The following USP3 variants were observed in gnomAD, a reference collection of about 807,000 sequenced individuals.
USP3 encodes ubiquitin specific peptidase 3.
Under a neutral mutation model 72.3 loss-of-function variants are expected in USP3, and 20 were observed. That is an observed-to-expected ratio of 0.28 (90% confidence interval 0.19 to 0.40). USP3 has a LOEUF of 0.40. Among genes scored for constraint, USP3 ranks in the 10% least tolerant of loss-of-function variants. The probability of loss-of-function intolerance (pLI) is 1.00; values close to 1 mark genes in which losing one functional copy is unlikely to be tolerated. For synonymous variants in USP3, 222 were observed against 225.3 expected (o/e 0.99, Z 0.13); for missense variants, 479 against 633.9 (o/e 0.76, Z 2.62).
chr15:63,513,179 C>G (rs2152648538), intron 1 of USP3, among the ~76,000 whole-genome samples: 1 of 152,216 alleles, frequency 6.6e-6, no homozygotes, highest in African/African-American at 2.4e-5. Flanking sequence ...AAATTGTTGG[C>G]CTGTTTATCC....
intron 3 of USP3, among the ~76,000 whole-genome samples, chr15:63,547,374 A>G (rs1232033874): frequency 4.6e-5 from 7 of 152,164 alleles, no homozygotes; most frequent in Non-Finnish European, 8.8e-5. Context: ...AGAAATAGAG[A>G]TAGTTGTAAA....
chr15:63,520,011 G>C (rs2065898847), intron 1 of USP3, among the ~76,000 whole-genome samples: 1 of 152,068 alleles, frequency 6.6e-6, no homozygotes, highest in African/African-American at 2.4e-5. Flanking sequence ...GATGTTCCAG[G>C]CTCATCTTGT....
At chr15:63,511,724 T>C (rs1281739156) in intron 1 of USP3, among the ~76,000 whole-genome samples, 1 of 152,188 alleles carries the variant, frequency 6.6e-6, no homozygotes, top group Non-Finnish European at 1.5e-5. Flanking sequence ...TTGTTTCTGT[T>C]AGAGAAGATT....
rs917950999 is a variant in USP3, at chr15:63,593,546, G to A, written c.*2720G>A. ...TGTCGGGCAGAGTGGTCTTCAGACA[G>A]GTGATGCTGTTGGCTTAAGAGATGA... On this transcript the variant is annotated 3_prime_UTR_variant, in exon 15 of 15. Coordinates refer to ENST00000380324, the MANE Select transcript of USP3 (RefSeq NM_006537.4). The A allele has an allele frequency of 6.6e-6, 1 of 152,242 alleles. No individual in the cohort carries two copies. Among genetic ancestry groups the A allele is most frequent in the African/African-American group, 2.4e-5 (1 of 41,458 alleles). 9.4% of individuals were successfully genotyped at this position (152,242 alleles called of 1,614,324 possible).
chr15:63,539,521 C>T (rs978603291), intron 3 of USP3, among the ~76,000 whole-genome samples: 1 of 152,012 alleles, frequency 6.6e-6, no homozygotes, highest in Non-Finnish European at 1.5e-5. Flanking sequence ...ATTTTAATAT[C>T]TTTATACATT....
intron 1 of USP3, among the ~76,000 whole-genome samples, chr15:63,517,347 AC>A (rs1217329996): frequency 6.6e-6 from 1 of 152,052 alleles, no homozygotes; most frequent in Non-Finnish European, 1.5e-5. Context: ...ATCTTCTCTT[AC>A]CACTCCAGCA....
chr15:63,557,651 T>C (rs953042425), intron 5 of USP3, among the ~76,000 whole-genome samples: 4 of 152,206 alleles, frequency 2.6e-5, no homozygotes, highest in Non-Finnish European at 5.9e-5. Flanking sequence ...AAGATTCATA[T>C]CCCATTGTTA....
rs938130542 is a variant in USP3, at chr15:63,591,850, C to CCTATCCTGATTGATAGG, written c.*1025_*1041dup. The CCTATCCTGATTGATAGG allele has an allele frequency of 2.0e-5, 3 of 150,422 alleles. No individual in the cohort carries two copies. Among genetic ancestry groups the CCTATCCTGATTGATAGG allele is most frequent in the Admixed American group, 6.6e-5 (1 of 15,098 alleles). The allele number at this position is 150,422 out of a possible 1,614,324, so 9.3% of individuals were successfully genotyped here. On this transcript the variant is annotated 3_prime_UTR_variant, in exon 15 of 15. Coordinates refer to ENST00000380324, the MANE Select transcript of USP3 (RefSeq NM_006537.4). ...TCTGGGTTTTAACACCTCTCTCTGG[C>CCTATCCTGATTGATAGG]CTATCCTGATTGATAGGACAAGTTG...
intron 3 of USP3, among the ~76,000 whole-genome samples, chr15:63,552,333 A>T (rs2066448868): frequency 6.6e-6 from 1 of 152,216 alleles, no homozygotes; most frequent in East Asian, 1.9e-4. Context: ...GACAAAGTAG[A>T]TCTTATCCTC....
chr15:63,547,888 G>GAGAGAGAGAGAGAGAGAGAGAGAGGCAT (rs1555446525), intron 3 of USP3, among the ~76,000 whole-genome samples: 3 of 73,300 alleles, frequency 4.1e-5, no homozygotes, highest in South Asian at 4.2e-4. Flanking sequence ...GAGAGAGAGA[G>GAGAGAGAGAGAGAGAGAGAGAGAGGCAT]AGAGAGAGGC....
intron 3 of USP3, among the ~76,000 whole-genome samples, chr15:63,547,057 C>G (rs964187173): frequency 2.0e-5 from 3 of 152,112 alleles, no homozygotes; most frequent in Non-Finnish European, 4.4e-5. Flanking sequence ...CCTCTGACCA[C>G]AGAGGAAAAA....
Position 63,575,000 on chromosome 15 carries a change from T to C in USP3, c.1096+597T>C, listed in dbSNP as rs1177239755. On this transcript the variant is annotated intron_variant, in intron 11 of 14. Coordinates refer to ENST00000380324, the MANE Select transcript of USP3 (RefSeq NM_006537.4). This position sits in a 1 kb window ranked among gnomAD's most constrained non-coding sequence, Gnocchi z 4.6. ...TCACAATTAAAATGACTAATTGTTC[T>C]TGCTAGTTATATAAAGAAGCTAGGA... Among the ~76,000 whole-genome samples the C allele has an allele frequency of 1.3e-5, 2 of 152,176 alleles. No individual in the cohort carries two copies. The highest frequency in any genetic ancestry group is 6.5e-5 in the Admixed American group (1 of 15,276).
chr15:63,579,547 C>G (rs530784444), intron 11 of USP3, among the ~76,000 whole-genome samples: 2 of 152,274 alleles, frequency 1.3e-5, no homozygotes, highest in South Asian at 4.1e-4. Flanking sequence ...TGCCTCATAT[C>G]CTTTCCCTGA....
Position 63,574,121 on chromosome 15 carries a change from G to A in USP3, c.984G>A (p.Gly328=). 1.3e-6 allele frequency: 2 copies of A among 1,593,912 alleles called. No individual in the cohort carries two copies. The highest frequency in any genetic ancestry group is 1.7e-6 in the Non-Finnish European group (2 of 1,169,112). The change falls in exon 10 of 15, where the codon GGG becomes GGA. Residue 328 remains glycine (G), a synonymous_variant. Transcript: ENST00000380324. The surrounding 1 kb of genome is among the most constrained non-coding windows in gnomAD (Gnocchi z 4.6). ...LQNEVNCLIC[G]TESRKFDPFL... ...ATGAGGTTAACTGCCTCATATGTGGGACAGAATCTAGAAAGTTTGATCCAT... is the reference window on the plus strand; with the variant it reads ...ATGAGGTTAACTGCCTCATATGTGGAACAGAATCTAGAAAGTTTGATCCAT...
rs116725611 is a variant in USP3, at chr15:63,563,603, G to T, written c.761+595G>T. On this transcript the variant is annotated intron_variant, in intron 8 of 14. Coordinates refer to ENST00000380324, the MANE Select transcript of USP3 (RefSeq NM_006537.4). Reference sequence around the variant, plus strand: ...TGTCAGAGGAATCCTGCCTTTTCTCGTAGGTCTGTCATCCCTGTAGGGATT... The same window carrying T: ...TGTCAGAGGAATCCTGCCTTTTCTCTTAGGTCTGTCATCCCTGTAGGGATT... 5.0e-3 allele frequency among the ~76,000 whole-genome samples: 767 copies of T among 152,264 alleles called. 11 individuals are homozygous for T. The highest frequency in any genetic ancestry group is 0.018 in the African/African-American group (739 of 41,550).
At chr15:63,526,089 G>T (rs1259879454) in intron 1 of USP3, among the ~76,000 whole-genome samples, 2 of 152,016 alleles carry the variant, frequency 1.3e-5, no homozygotes, top group Non-Finnish European at 2.9e-5. Context: ...TATTATAAAA[G>T]AAATAATGCT....
chr15:63,508,811 T>A (rs1206474990), intron 1 of USP3, among the ~76,000 whole-genome samples: 1 of 152,186 alleles, frequency 6.6e-6, no homozygotes, highest in Non-Finnish European at 1.5e-5. Flanking sequence ...AGATATTTAG[T>A]AGGATAGGCA....
chr15:63,557,987 A>G (rs2066541049), intron 5 of USP3, 119 bp from the exon 6 acceptor site: 2 of 900,266 alleles, frequency 2.2e-6, no homozygotes, highest in African/African-American at 1.6e-5. Flanking sequence ...TTGGACAGAA[A>G]AGGACCAATT....
At chr15:63,535,166 A>G (rs1429670961) in intron 2 of USP3, among the ~76,000 whole-genome samples, 2 of 152,200 alleles carry the variant, frequency 1.3e-5, no homozygotes, top group African/African-American at 4.8e-5. Flanking sequence ...CCTGACCTCA[A>G]GTGATCTGCC....
Sources: allele counts gnomAD v4.1 joint callset (sites outside exome capture counted in the v4.1 genomes callset), GRCh38; gene constraint gnomAD v4.1.1; non-coding constraint Gnocchi (gnomAD v3.1); transcripts MANE v1.5; gene names NCBI Gene and HGNC (gene_info 2026-07-23, HGNC 2026-07-21).